AASDH: variants seen among roughly 807,000 people sequenced by gnomAD.
The protein encoded by AASDH is beta-alanine-activating enzyme.
A neutral mutation model predicts 102.3 loss-of-function variants in AASDH; 81 were observed. The ratio of observed to expected loss-of-function variants is 0.79; its 90% CI spans 0.66 to 0.95. The LOEUF (loss-of-function observed/expected upper bound fraction) is 0.95, where lower values mean the gene tolerates loss of function less well. AASDH is among the 40% of genes least tolerant of loss of function. The probability of loss-of-function intolerance (pLI) is 0.00; values close to 1 mark genes in which losing one functional copy is unlikely to be tolerated. For synonymous variants in AASDH, 398 were observed against 454.0 expected (o/e 0.88, Z 1.57); for missense variants, 1,203 against 1,266.2 (o/e 0.95, Z 0.76).
intron 13 of AASDH, 43 bp from the exon 14 acceptor site, chr4:56,343,009 A>G (rs373980966): frequency 2.7e-6 from 4 of 1,500,206 alleles, no homozygotes; most frequent in South Asian, 1.3e-5. Context: ...ATGTCATCCT[A>G]CTAATCAGTT....
intron 5 of AASDH, chr4:56,356,284 C>A (rs1749630215): frequency 2.6e-6 from 3 of 1,150,776 alleles, no homozygotes; most frequent in Non-Finnish European, 3.9e-6. Context: ...AAAGAGACCT[C>A]ACCAGCTTTG....
intron 5 of AASDH, among the ~76,000 whole-genome samples, chr4:56,361,207 T>A (rs968911201): frequency 4.0e-5 from 6 of 151,804 alleles, no homozygotes; most frequent in Admixed American, 1.3e-4. Context: ...AGGTCAGGAG[T>A]TCGAGACCAG....
rs556205151 is a variant in AASDH at position 56,366,274 on chromosome 4, C to T, written c.861+5177G>A. Among the ~76,000 whole-genome samples the T allele has an allele frequency of 7.7e-3, 1,176 of 152,240 alleles. 8 individuals are homozygous for T. The highest frequency in any genetic ancestry group is 0.013 in the Non-Finnish European group (905 of 68,014). On this transcript the variant is annotated intron_variant, in intron 5 of 14. Transcript: ENST00000205214. ...GTCCAGGACCAGGTTGATTCACAGCCGAATTCTACCAGAGGTACAAGGAGG... is the reference window on the plus strand; with the variant it reads ...GTCCAGGACCAGGTTGATTCACAGCTGAATTCTACCAGAGGTACAAGGAGG...
intron 5 of AASDH, among the ~76,000 whole-genome samples, chr4:56,371,248 G>T (rs1315951060): frequency 2.0e-5 from 3 of 152,046 alleles, no homozygotes; most frequent in Admixed American, 6.6e-5. Context: ...CATAATAAAA[G>T]AATTTTCTAG....
At position 56,382,481 on chromosome 4, in the gene AASDH, A is replaced by C; in HGVS notation, c.347T>G (p.Ile116Ser). 1 of 1,563,108 alleles carries C rather than the reference A, an allele frequency of 6.4e-7. No homozygotes were observed. The highest frequency in any genetic ancestry group is 8.8e-7 in the Non-Finnish European group (1 of 1,139,524). Residue 116 changes from isoleucine to serine, a missense_variant, in exon 3 of 15, where the codon ATT becomes AGT. Ile to Ser is a moderately radical substitution (Grantham distance 142). Transcript: ENST00000205214. ...LKYILVEKKQ[I>S]NKFKSFHETL... ...AATTGAAACATCCAGACTTACATTA[A>C]TTTGTTTTTTTTCAACAAGGATATA...
chr4:56,385,581 C>T (rs1753453039), intron 1 of AASDH, among the ~76,000 whole-genome samples: 1 of 151,940 alleles, frequency 6.6e-6, no homozygotes, highest in Non-Finnish European at 1.5e-5. Context: ...TAAGACTTAC[C>T]AAGTAGCCTG....
Position 56,338,691 on chromosome 4 carries a change from CAGT to C in AASDH, c.3005_3007del (p.Tyr1002del). 1 of 1,614,134 alleles carries C rather than the reference CAGT, an allele frequency of 6.2e-7. No individual in the cohort carries two copies. The highest frequency in any genetic ancestry group is 8.5e-7 in the Non-Finnish European group (1 of 1,180,016). On this transcript the variant is annotated inframe_deletion, in exon 15 of 15. Coordinates refer to ENST00000205214, the MANE Select transcript of AASDH (RefSeq NM_181806.4). The stretch of plus-strand genomic sequence containing the variant: ...CTGCAGGTGACCTTTCATGTTACAA[CAGT>C]AGATAAAGCAATCATGGGAACCAAA...
In AASDH at chr4:56,382,563, C is replaced by T. The variant is rs373997347; in HGVS notation, c.265G>A (p.Glu89Lys). The change falls in exon 3 of 15, where the codon GAG (glutamate) becomes AAG (lysine). Residue 89 changes from glutamate (E) to lysine (K), a missense_variant. By Grantham distance (56) the Glu-to-Lys change is moderately conservative. Transcript: ENST00000205214. ...GATAATGACGGTGGTGAATCTGGCT[C>T]GATAGGTACATAAGCAGCCGGGACT... The part of the protein sequence containing the change: ...LQVPAAYVPI[E>K]PDSPPSLSTH... 8.7e-6 allele frequency: 14 copies of T among 1,610,306 alleles called. No individual in the cohort carries two copies. The highest frequency in any genetic ancestry group is 1.6e-4 in the Middle Eastern group (1 of 6,078).
At chr4:56,380,595 T>C (rs1752839960) in intron 3 of AASDH, among the ~76,000 whole-genome samples, 2 of 152,224 alleles carry the variant, frequency 1.3e-5, no homozygotes, top group South Asian at 4.1e-4. Context: ...TTACTTCACT[T>C]AGGACAATTA....
At chr4:56,372,857 A>G (rs1357722106) in intron 4 of AASDH, among the ~76,000 whole-genome samples, 1 of 152,230 alleles carries the variant, frequency 6.6e-6, no homozygotes, top group East Asian at 1.9e-4. Context: ...GACCCAAGGG[A>G]AAAGTGTCCA....
intron 11 of AASDH, among the ~76,000 whole-genome samples, chr4:56,345,676 A>G (rs543458243): frequency 6.6e-6 from 1 of 152,348 alleles, no homozygotes; most frequent in African/African-American, 2.4e-5. Flanking sequence ...CAAATTATTC[A>G]TCTGCAGAAT....
intron 5 of AASDH, chr4:56,356,094 T>TAA: frequency 1.7e-6 from 1 of 605,986 alleles, no homozygotes; most frequent in East Asian, 2.7e-5. Context: ...CAAAAGGGTT[T>TAA]AAAAATGTGC....
chr4:56,382,399 C>A, intron 3 of AASDH, 78 bp downstream of exon 3: 1 of 1,368,788 alleles, frequency 7.3e-7, no homozygotes, highest in Non-Finnish European at 1.0e-6. Context: ...CTTAGGAATC[C>A]AGATGGGAGA....
At chr4:56,387,107 T>C (rs1753659622) in intron 1 of AASDH, among the ~76,000 whole-genome samples, 1 of 152,108 alleles carries the variant, frequency 6.6e-6, no homozygotes, top group Non-Finnish European at 1.5e-5. Context: ...TCGAAACCAC[T>C]CTAGGGGGTA....
rs573557332 is a variant in AASDH at position 56,344,348 on chromosome 4, T to C, written c.2653-664A>G. 4.6e-5 allele frequency among the ~76,000 whole-genome samples: 7 copies of C among 152,286 alleles called. No homozygotes were observed. The East Asian group carries it at 1.4e-3, about 29-fold the overall frequency. On this transcript the variant is annotated intron_variant, in intron 12 of 14. Coordinates refer to ENST00000205214, the MANE Select transcript of AASDH (RefSeq NM_181806.4). ...GAATATGTCTTCTAATCTAACACCATTTGTTTATCTCAAGAGTTTTTAATT... is the reference window on the plus strand; with the variant it reads ...GAATATGTCTTCTAATCTAACACCACTTGTTTATCTCAAGAGTTTTTAATT...
chr4:56,355,536 G>A (rs1300713657), intron 5 of AASDH, 113 bp from the exon 6 acceptor site: 2 of 909,416 alleles, frequency 2.2e-6, no homozygotes, highest in East Asian at 3.4e-5. Context: ...AATGAAGGCT[G>A]TGTTTATCAA....
chr4:56,366,447 T>A (rs1488966390), intron 5 of AASDH, among the ~76,000 whole-genome samples: 1 of 152,154 alleles, frequency 6.6e-6, no homozygotes, highest in South Asian at 2.1e-4. Flanking sequence ...ATATCCTTGA[T>A]GAACATTGAT....
Position 56,354,752 on chromosome 4 carries a change from T to C in AASDH, c.1163A>G (p.Asp388Gly). 1.9e-6 allele frequency: 3 copies of C among 1,611,838 alleles called. No homozygotes were observed. Among genetic ancestry groups the C allele is most frequent in the Non-Finnish European group, 1.7e-6 (2 of 1,179,086 alleles). Residue 388 changes from aspartate (D) to glycine (G), a missense_variant, in exon 7 of 15, where the codon GAT (aspartate) becomes GGT (glycine). Asp to Gly is a moderately conservative substitution (Grantham distance 94, BLOSUM62 -1). Coordinates refer to ENST00000205214, the MANE Select transcript of AASDH (RefSeq NM_181806.4). Reference sequence around the variant, plus strand: ...TTCCTGAATTGTGAAGCCATTAGTATCTCTGACTTCAACTACTGTTCCAAG... The same window carrying C: ...TTCCTGAATTGTGAAGCCATTAGTACCTCTGACTTCAACTACTGTTCCAAG... ...PLLGTVVEVR[D>G]TNGFTIQEGS...
rs146080836 is a variant in AASDH at position 56,378,226 on chromosome 4, T to G, written c.590A>C (p.His197Pro). The G allele has an allele frequency of 1.2e-6, 2 of 1,614,230 alleles. No homozygotes were observed. Among genetic ancestry groups the G allele is most frequent in the Non-Finnish European group, 8.5e-7 (1 of 1,180,040 alleles). Reference sequence around the variant, plus strand: ...CGGTATCCCTGTAGTCCCTGATGTATGTAGAACATAGGCTAAGCAATGCTT... The same window carrying G: ...CGGTATCCCTGTAGTCCCTGATGTAGGTAGAACATAGGCTAAGCAATGCTT... ...RLKHCLAYVLHTSGTTGIPKI... is the reference protein window; with the variant it reads ...RLKHCLAYVLPTSGTTGIPKI... The change falls in exon 4 of 15, where the codon CAT (histidine) becomes CCT (proline). Residue 197 changes from histidine (H) to proline (P), a missense_variant. Transcript: ENST00000205214.
Sources: allele counts gnomAD v4.1 joint callset (sites outside exome capture counted in the v4.1 genomes callset), GRCh38; gene constraint gnomAD v4.1.1; transcripts MANE v1.5; gene names NCBI Gene and HGNC (gene_info 2026-07-23, HGNC 2026-07-21).